The following TMEM106B variants were observed in gnomAD, a reference collection of about 807,000 sequenced individuals.
TMEM106B encodes transmembrane protein 106B.
Under a neutral mutation model 31.1 loss-of-function variants are expected in TMEM106B, and 15 were observed. The ratio of observed to expected loss-of-function variants is 0.48; its 90% CI spans 0.32 to 0.74. The LOEUF (loss-of-function observed/expected upper bound fraction) is 0.74, where lower values mean the gene tolerates loss of function less well. Among genes scored for constraint, TMEM106B ranks in the 30% least tolerant of loss-of-function variants. The pLI is 0.03. For missense variants in TMEM106B, 283 were observed against 327.3 expected (o/e 0.86, Z 1.04); for synonymous variants, 126 against 112.5 (o/e 1.12, Z -0.76).
chr7:12,226,624 A>G (rs999822518), intron 4 of TMEM106B, among the ~76,000 whole-genome samples: 3 of 151,992 alleles, frequency 2.0e-5, no homozygotes, highest in Admixed American at 1.3e-4. Flanking sequence ...GGTTGGAAAG[A>G]GGGAGGTTTG....
chr7:12,228,389 CTTAT>C (rs1184527788), intron 4 of TMEM106B, among the ~76,000 whole-genome samples: 3 of 151,648 alleles, frequency 2.0e-5, no homozygotes, highest in African/African-American at 7.3e-5. Flanking sequence ...TTATTTAGTA[CTTAT>C]TTATGTGCAT....
At chr7:12,218,566 G>A (rs748078995) in intron 3 of TMEM106B, 45 bp downstream of exon 3, 1 of 1,526,918 alleles carries the variant, frequency 6.5e-7, no homozygotes, top group East Asian at 2.3e-5. Context: ...TTTTATTTTT[G>A]TTTTTTGTAT....
rs768777747 is a variant in TMEM106B at position 12,224,286 on chromosome 7, T to C, written c.342T>C (p.Phe114=). Residue 114 remains phenylalanine, a synonymous_variant, in exon 4 of 8, where the codon TTT becomes TTC. Transcript: ENST00000396668. ...TACTCCTTTCTGGATTGGCTGTGTT[T>C]TTCCTTTTCCCTCGCTCTATCGACG... The part of the protein sequence containing the change: ...VCLLLSGLAV[F]FLFPRSIDVK... 3 of 1,613,990 alleles carry C rather than the reference T, an allele frequency of 1.9e-6. No homozygotes were observed. Among genetic ancestry groups the C allele is most frequent in the Non-Finnish European group, 2.5e-6 (3 of 1,179,984 alleles).
Position 12,233,644 on chromosome 7 carries a change from G to T in TMEM106B, c.*1669G>T, listed in dbSNP as rs1583222959. 1.4e-5 allele frequency: 2 copies of T among 147,866 alleles called. No homozygotes were observed. Among genetic ancestry groups the T allele is most frequent in the Non-Finnish European group, 1.5e-5 (1 of 66,932 alleles). 9.2% of individuals were successfully genotyped at this position (147,866 alleles called of 1,614,324 possible). On this transcript the variant is annotated 3_prime_UTR_variant, in exon 8 of 8. Transcript: ENST00000396668. ...CATCCTTACTATTAAACCCAAATCAGTCCTTTAAGTTCATTATGGCCTTTC... is the reference window on the plus strand; with the variant it reads ...CATCCTTACTATTAAACCCAAATCATTCCTTTAAGTTCATTATGGCCTTTC...
chr7:12,215,765 T>C (rs1392149318), intron 2 of TMEM106B: 2 of 185,964 alleles, frequency 1.1e-5, no homozygotes, highest in Non-Finnish European at 2.6e-5. Flanking sequence ...ATAAGCTGGC[T>C]GTGCCCTAAT....
At chr7:12,223,770 G>A (rs571143106) in intron 3 of TMEM106B, among the ~76,000 whole-genome samples, 1 of 150,466 alleles carries the variant, frequency 6.6e-6, no homozygotes. Flanking sequence ...GTCCAGGCAG[G>A]AGTGCGGTGG....
chr7:12,230,390 T>C lies in TMEM106B; in HGVS notation c.584T>C (p.Ile195Thr). The change falls in exon 6 of 8, where the codon ATT becomes ACT. Residue 195 changes from isoleucine to threonine, a missense_variant and splice_region_variant. Around this residue, in one of 3 missense-constraint regions of TMEM106B, gnomAD observed 201 missense variants for 211.5 expected, o/e 0.95. Coordinates refer to ENST00000396668, the MANE Select transcript of TMEM106B (RefSeq NM_001134232.2). ...CGAATTTCTCCTTTTGCCTTTCAGATTGATTACACAGTACCTACCGTTATA... is the reference window on the plus strand; with the variant it reads ...CGAATTTCTCCTTTTGCCTTTCAGACTGATTACACAGTACCTACCGTTATA... ...TIIGPLDMKQ[I>T]DYTVPTVIAE... 3.7e-6 allele frequency: 6 copies of C among 1,601,982 alleles called. No homozygotes were observed. The highest frequency in any genetic ancestry group is 5.1e-6 in the Non-Finnish European group (6 of 1,170,406).
chr7:12,213,228 A>G (rs1030817291), intron 1 of TMEM106B, among the ~76,000 whole-genome samples: 1 of 152,042 alleles, frequency 6.6e-6, no homozygotes, highest in Non-Finnish European at 1.5e-5. Flanking sequence ...GCTGCTTTGT[A>G]TTGGTAACTT....
rs980718537 is a variant in TMEM106B at position 12,239,349 on chromosome 7, T to C, written c.*7374T>C. The C allele has an allele frequency of 6.6e-6, 1 of 152,180 alleles. No individual in the cohort carries two copies. Among genetic ancestry groups the C allele is most frequent in the Non-Finnish European group, 1.5e-5 (1 of 68,024 alleles). 9.4% of individuals were successfully genotyped at this position (152,180 alleles called of 1,614,324 possible). On this transcript the variant is annotated 3_prime_UTR_variant, in exon 8 of 8. Coordinates refer to ENST00000396668, the MANE Select transcript of TMEM106B (RefSeq NM_001134232.2). Reference sequence around the variant, plus strand: ...GCAATGTTGTGGCTGGTTTGATCTATTGAAACCACTAAAACATTCCCATAT... The same window carrying C: ...GCAATGTTGTGGCTGGTTTGATCTACTGAAACCACTAAAACATTCCCATAT...
chr7:12,221,275 CTA>C (rs1207381768), intron 3 of TMEM106B, among the ~76,000 whole-genome samples: 1 of 152,126 alleles, frequency 6.6e-6, no homozygotes, highest in Non-Finnish European at 1.5e-5. Context: ...TGTGCTGTGA[CTA>C]TAAATGTCGG....
At chr7:12,212,762 A>G (rs1440194953) in intron 1 of TMEM106B, among the ~76,000 whole-genome samples, 1 of 152,192 alleles carries the variant, frequency 6.6e-6, no homozygotes, top group African/African-American at 2.4e-5. Flanking sequence ...GCAGGCTCCT[A>G]TCAGGCATGC....
At position 12,236,194 on chromosome 7, in the gene TMEM106B, TTG is replaced by T. The variant is rs1324258043; in HGVS notation, c.*4223_*4224del. ...TTAAATTTCTGACTAGAACTAACATTTGTGTATTTTTGTGCTTAGTCGGAATA... is the reference window on the plus strand; with the variant it reads ...TTAAATTTCTGACTAGAACTAACATTTGTATTTTTGTGCTTAGTCGGAATA... On this transcript the variant is annotated 3_prime_UTR_variant, in exon 8 of 8. Coordinates refer to ENST00000396668, the MANE Select transcript of TMEM106B (RefSeq NM_001134232.2). The T allele has an allele frequency of 6.6e-6, 1 of 151,950 alleles. No individual in the cohort carries two copies. The highest frequency in any genetic ancestry group is 1.9e-4 in the East Asian group (1 of 5,190). 9.4% of individuals were successfully genotyped at this position (151,950 alleles called of 1,614,324 possible). A position where few individuals can be genotyped will look rare whatever the true frequency, so the allele number is the denominator to read the frequency against.
intron 6 of TMEM106B, 31 bp downstream of exon 6, chr7:12,230,469 G>T (rs568587185): frequency 1.5e-6 from 2 of 1,366,276 alleles, no homozygotes; most frequent in Middle Eastern, 1.8e-4. Flanking sequence ...ACTTTTTATT[G>T]TCAAATAATG....
intron 2 of TMEM106B, among the ~76,000 whole-genome samples, 186 bp from the exon 3 acceptor site, chr7:12,218,272 G>A (rs1339390033): frequency 2.1e-5 from 3 of 144,898 alleles, no homozygotes; most frequent in Non-Finnish European, 4.5e-5. Flanking sequence ...AGACATTTAC[G>A]TGTGAAAAAA....
chr7:12,226,427 T>C (rs541208034), intron 4 of TMEM106B, among the ~76,000 whole-genome samples: 1 of 152,222 alleles, frequency 6.6e-6, no homozygotes, highest in Non-Finnish European at 1.5e-5. Context: ...CTACCTGTTT[T>C]ACATGTTAAC....
At chr7:12,223,997 G>C (rs141956872) in intron 3 of TMEM106B, among the ~76,000 whole-genome samples, 1,696 of 152,164 alleles carry the variant, frequency 0.011, 40 homozygotes, top group African/African-American at 0.038. Context: ...GGGATTACAG[G>C]CGTGAGCCAC....
chr7:12,239,861 C>T lies in TMEM106B; in HGVS notation c.*7886C>T, dbSNP rs1003573344. 1.3e-5 allele frequency: 2 copies of T among 151,830 alleles called. No individual in the cohort carries two copies. The highest frequency in any genetic ancestry group is 2.9e-5 in the Non-Finnish European group (2 of 67,948). The allele number at this position is 151,830 out of a possible 1,614,324, so 9.4% of individuals were successfully genotyped here. ...AAAATAGGTTTAATAATAATGGAAA[C>T]ATTTGAAATATTGCAAAAATTACCA... On this transcript the variant is annotated 3_prime_UTR_variant, in exon 8 of 8. Coordinates refer to ENST00000396668, the MANE Select transcript of TMEM106B (RefSeq NM_001134232.2).
At chr7:12,231,649 C>G (rs1475690899) in intron 7 of TMEM106B, 188 bp from the exon 8 acceptor site, 1 of 470,400 alleles carries the variant, frequency 2.1e-6, no homozygotes, top group African/African-American at 1.9e-5. Flanking sequence ...CTACAGGGCT[C>G]ACTCAGCTAT....
intron 3 of TMEM106B, among the ~76,000 whole-genome samples, chr7:12,223,912 T>C (rs10950392): frequency 0.51 from 76,428 of 151,158 alleles, 20,292 homozygotes; most frequent in African/African-American, 0.66. Context: ...GTAGAGATGG[T>C]TTTTCACTGT....
Sources: gnomAD v4.1 joint callset for allele counts (sites outside exome capture counted in the v4.1 genomes callset) on GRCh38, gnomAD v4.1.1 for gene constraint, gnomAD v4.1.1 regional missense constraint, MANE v1.5 for transcripts, NCBI Gene and HGNC (gene_info 2026-07-23, HGNC 2026-07-21) for gene names.